Variants in KLRD1 observed in about 807,000 individuals in gnomAD.
KLRD1 encodes killer cell lectin like receptor D1.
Under a neutral mutation model 22.6 loss-of-function variants are expected in KLRD1, and 21 were observed. The ratio of observed to expected loss-of-function variants is 0.93; its 90% CI spans 0.66 to 1.34. The LOEUF is 1.34. Among genes scored for constraint, KLRD1 ranks in the 40% most tolerant of loss-of-function variants. The pLI, the probability that KLRD1 is intolerant of heterozygous loss-of-function variation, is 0.00. For synonymous variants in KLRD1, 59 were observed against 71.1 expected (o/e 0.83, Z 0.85); for missense variants, 183 against 208.6 (o/e 0.88, Z 0.76).
At chr12:10,266,766 G>T (rs1284502130) in intron 1 of KLRD1, among the ~76,000 whole-genome samples, 3 of 150,486 alleles carry the variant, frequency 2.0e-5, no homozygotes, top group Admixed American at 6.6e-5. Flanking sequence ...TATATTATTT[G>T]TACATATTTG....
chr12:10,275,413 A>G (rs1013864121), intron 1 of KLRD1, among the ~76,000 whole-genome samples: 4 of 152,232 alleles, frequency 2.6e-5, no homozygotes, highest in African/African-American at 9.6e-5. Flanking sequence ...TTACTAATTT[A>G]GACTATTTTA....
intron 1 of KLRD1, among the ~76,000 whole-genome samples, chr12:10,239,017 G>A (rs2900385): frequency 0.88 from 133,924 of 152,202 alleles, 60,328 homozygotes; most frequent in Non-Finnish European, 0.98. Flanking sequence ...TAAGATGTTC[G>A]AAAAGCTCAA....
chr12:10,267,504 T>C (rs1338201849), intron 1 of KLRD1, among the ~76,000 whole-genome samples: 1 of 152,148 alleles, frequency 6.6e-6, no homozygotes, highest in Non-Finnish European at 1.5e-5. Context: ...AGACAAAGGC[T>C]CTGTTCTCAT....
At chr12:10,265,511 CT>C (rs775108285) in intron 1 of KLRD1, among the ~76,000 whole-genome samples, 15 of 152,346 alleles carry the variant, frequency 9.8e-5, no homozygotes, top group Admixed American at 3.3e-4. Context: ...AATCCCAGCA[CT>C]TTGGGAGGCC....
At chr12:10,311,732 G>A in intron 4 of KLRD1, 117 bp downstream of exon 4, 1 of 855,140 alleles carries the variant, frequency 1.2e-6, no homozygotes, top group Non-Finnish European at 1.8e-6. Flanking sequence ...GGTTATATTG[G>A]AATTGAGTTA....
chr12:10,257,465 T>C (rs111554455), intron 1 of KLRD1, among the ~76,000 whole-genome samples: 3,368 of 142,314 alleles, frequency 0.024, 141 homozygotes, highest in African/African-American at 0.084. Flanking sequence ...AATGGTTTAC[T>C]TTCCAGGTAG....
intron 1 of KLRD1, among the ~76,000 whole-genome samples, chr12:10,277,113 A>AG (rs1949599065): frequency 7.3e-6 from 1 of 136,308 alleles, no homozygotes; most frequent in Admixed American, 7.2e-5. Flanking sequence ...GGCCTCACAG[A>AG]GTTTTTTTTT....
intron 1 of KLRD1, among the ~76,000 whole-genome samples, chr12:10,247,866 G>T (rs963287153): frequency 1.3e-5 from 2 of 152,146 alleles, no homozygotes; most frequent in African/African-American, 4.8e-5. Flanking sequence ...CCACGATTGA[G>T]ACCTCTGCAG....
intron 1 of KLRD1, among the ~76,000 whole-genome samples, chr12:10,286,807 T>C (rs1949710309): frequency 6.6e-6 from 1 of 151,608 alleles, no homozygotes; most frequent in East Asian, 1.9e-4. Context: ...CCGCATCTGG[T>C]CCCGTAACTG....
chr12:10,274,015 G>A, intron 1 of KLRD1, among the ~76,000 whole-genome samples: 1 of 152,136 alleles, frequency 6.6e-6, no homozygotes. Flanking sequence ...AGGCATGGTG[G>A]CTCATGCTTG....
At chr12:10,263,036 A>T (rs1949468051) in intron 1 of KLRD1, among the ~76,000 whole-genome samples, 1 of 152,082 alleles carries the variant, frequency 6.6e-6, no homozygotes, top group African/African-American at 2.4e-5. Flanking sequence ...GTGTACGTCT[A>T]ATCAGTCACA....
At chr12:10,257,139 C>CTTTTT (rs55950006) in intron 1 of KLRD1, among the ~76,000 whole-genome samples, 39 of 130,210 alleles carry the variant, frequency 3.0e-4, no homozygotes, top group African/African-American at 8.8e-4. Context: ...CTTTTCTTTT[C>CTTTTT]TTTTTTTTTT....
intron 1 of KLRD1, chr12:10,309,055 A>T (rs1316031154): frequency 5.0e-6 from 1 of 200,178 alleles, no homozygotes; most frequent in East Asian, 1.2e-4. Context: ...ATGTAAGTCC[A>T]TAAAACACAA....
chr12:10,295,741 C>T (rs993990769), intron 1 of KLRD1, among the ~76,000 whole-genome samples: 1 of 151,988 alleles, frequency 6.6e-6, no homozygotes, highest in African/African-American at 2.4e-5. Flanking sequence ...ATTATTAATA[C>T]ATTAAAATAT....
At chr12:10,261,550 G>A (rs1461227907) in intron 1 of KLRD1, among the ~76,000 whole-genome samples, 1 of 152,100 alleles carries the variant, frequency 6.6e-6, no homozygotes, top group Non-Finnish European at 1.5e-5. Flanking sequence ...GAAGATACAT[G>A]CAGGGTAGAA....
At chr12:10,277,631 T>C (rs1949604221) in intron 1 of KLRD1, among the ~76,000 whole-genome samples, 1 of 152,204 alleles carries the variant, frequency 6.6e-6, no homozygotes, top group South Asian at 2.1e-4. Flanking sequence ...TCTAAAATTG[T>C]ATAAAAATAT....
intron 1 of KLRD1, among the ~76,000 whole-genome samples, chr12:10,271,786 T>G (rs897771006): frequency 4.6e-5 from 7 of 152,168 alleles, no homozygotes; most frequent in Admixed American, 1.3e-4. Flanking sequence ...AATTGTCACA[T>G]TTTATAATCA....
At chr12:10,297,436 A>C (rs1042732282) in intron 1 of KLRD1, among the ~76,000 whole-genome samples, 2 of 152,118 alleles carry the variant, frequency 1.3e-5, no homozygotes, top group Admixed American at 6.5e-5. Flanking sequence ...ATTATAATTT[A>C]AATATTTTTA....
At chr12:10,274,786 T>G (rs977084256) in intron 1 of KLRD1, among the ~76,000 whole-genome samples, 2 of 152,202 alleles carry the variant, frequency 1.3e-5, no homozygotes, top group Non-Finnish European at 2.9e-5. Flanking sequence ...TTAAAGAGTT[T>G]TTTGTTTTCT....
Sources: gnomAD v4.1 joint callset for allele counts (sites outside exome capture counted in the v4.1 genomes callset) on GRCh38, gnomAD v4.1.1 for gene constraint, MANE v1.5 for transcripts, NCBI Gene and HGNC (gene_info 2026-07-23, HGNC 2026-07-21) for gene names.